Variants in RAB27A observed in about 807,000 individuals in gnomAD.
RAB27A encodes RAB27A, member RAS oncogene family, also known as ras-related protein Rab-27A.
A neutral mutation model predicts 20.8 loss-of-function variants in RAB27A; 17 were observed. That is an observed-to-expected ratio of 0.82 (90% CI 0.56 to 1.23). The LOEUF is 1.23. RAB27A is among the 50% of genes most tolerant of loss of function. The pLI, the probability that RAB27A is intolerant of heterozygous loss-of-function variation, is 0.00. For missense variants in RAB27A, 277 were observed against 266.7 expected, an observed-to-expected ratio of 1.04 and a Z score of -0.27; for synonymous variants, 85 against 92.8, an observed-to-expected ratio of 0.92 and a Z score of 0.48.
intron 1 of RAB27A, among the ~76,000 whole-genome samples, chr15:55,286,828 T>C (rs1898166467): frequency 6.6e-6 from 1 of 151,874 alleles, no homozygotes. Context: ...CAGAAGGCTT[T>C]TGCAGTAATC....
At chr15:55,223,453 G>C (rs1454297148) in intron 6 of RAB27A, among the ~76,000 whole-genome samples, 1 of 151,572 alleles carries the variant, frequency 6.6e-6, no homozygotes, top group Admixed American at 6.6e-5. Flanking sequence ...AGGTTGCAGT[G>C]AGCCGAGATT....
intron 2 of RAB27A, among the ~76,000 whole-genome samples, chr15:55,268,124 G>T (rs913831462): frequency 3.3e-5 from 5 of 151,444 alleles, no homozygotes; most frequent in Non-Finnish European, 7.4e-5. Context: ...ATGCCCTCAT[G>T]AATAAACACT....
chr15:55,299,966 G>A (rs1389733457), intron 2 of RAB27A, among the ~76,000 whole-genome samples: 3 of 151,622 alleles, frequency 2.0e-5, no homozygotes, highest in African/African-American at 4.8e-5. Context: ...GACTACAGGC[G>A]CCCGCCACCA....
At chr15:55,312,472 A>G (rs1268234454) in intron 2 of RAB27A, among the ~76,000 whole-genome samples, 2 of 152,218 alleles carry the variant, frequency 1.3e-5, no homozygotes, top group Admixed American at 6.5e-5. Context: ...AAGAACTGCC[A>G]AACTTTCCCA....
At chr15:55,275,030 C>G (rs1435988219) in intron 1 of RAB27A, among the ~76,000 whole-genome samples, 1 of 151,314 alleles carries the variant, frequency 6.6e-6, no homozygotes, top group Non-Finnish European at 1.5e-5. Flanking sequence ...GTAGGTGGAT[C>G]ACTTGAGGTC....
intron 2 of RAB27A, chr15:55,238,074 C>A (rs1224820505): frequency 1.3e-5 from 2 of 152,124 alleles, no homozygotes; most frequent in Non-Finnish European, 2.9e-5. Flanking sequence ...AACCAAATAC[C>A]ATAAATTGAA....
chr15:55,225,241 T>C, intron 5 of RAB27A, among the ~76,000 whole-genome samples: 1 of 152,210 alleles, frequency 6.6e-6, no homozygotes, highest in East Asian at 1.9e-4. Flanking sequence ...CCCAGTGTCA[T>C]GCTATGAGCA....
chr15:55,258,262 T>C (rs559779287), intron 2 of RAB27A, among the ~76,000 whole-genome samples: 2 of 152,288 alleles, frequency 1.3e-5, no homozygotes, highest in Admixed American at 6.5e-5. Flanking sequence ...ATTCACTACC[T>C]ATACCAGGTC....
At chr15:55,222,770 T>C (rs934222223) in intron 6 of RAB27A, among the ~76,000 whole-genome samples, 2 of 151,180 alleles carry the variant, frequency 1.3e-5, no homozygotes, top group African/African-American at 4.9e-5. Flanking sequence ...CTAGGTAACA[T>C]CCCCTACACC....
At chr15:55,206,978 AAAC>A (rs1894682986) in intron 6 of RAB27A, among the ~76,000 whole-genome samples, 2 of 152,202 alleles carry the variant, frequency 1.3e-5, no homozygotes, top group African/African-American at 2.4e-5. Flanking sequence ...TTAAAGTAAT[AAAC>A]AAGATAATAC....
intron 2 of RAB27A, among the ~76,000 whole-genome samples, chr15:55,265,825 T>C (rs1224111548): frequency 1.3e-5 from 2 of 152,136 alleles, no homozygotes; most frequent in African/African-American, 4.8e-5. Context: ...GGGGAGAATG[T>C]ATCCAGAACA....
Position 55,247,435 on chromosome 15 carries a change from T to C in RAB27A, c.-22-12479A>G, listed in dbSNP as rs576229946. On this transcript the variant is annotated intron_variant, in intron 2 of 6. Coordinates refer to ENST00000336787, the MANE Select transcript of RAB27A (RefSeq NM_183235.3). ...AGGACTTCACATTGCAAAGAGAATT[T>C]CCAAGTTGCAAAACACAGACCTAAA... Among the ~76,000 whole-genome samples the C allele has an allele frequency of 1.3e-4, 19 of 151,752 alleles. 1 individual carries two copies. The highest frequency in any genetic ancestry group is 4.4e-4 in the African/African-American group (18 of 41,378).
chr15:55,284,257 A>G (rs1272481071), intron 1 of RAB27A, among the ~76,000 whole-genome samples: 2 of 152,210 alleles, frequency 1.3e-5, no homozygotes, highest in Non-Finnish European at 2.9e-5. Context: ...ACACCTGTCT[A>G]TCTACCTTGG....
At chr15:55,247,847 T>C (rs962417196) in intron 2 of RAB27A, among the ~76,000 whole-genome samples, 2 of 150,796 alleles carry the variant, frequency 1.3e-5, no homozygotes, top group Non-Finnish European at 2.9e-5. Context: ...ATTTGACACA[T>C]AGATACTTAC....
intron 2 of RAB27A, among the ~76,000 whole-genome samples, chr15:55,296,986 T>G (rs1286419366): frequency 6.6e-6 from 1 of 152,178 alleles, no homozygotes; most frequent in East Asian, 1.9e-4. Context: ...ATAATATAAT[T>G]ATTTTATCTG....
chr15:55,274,607 G>A (rs991508482), intron 1 of RAB27A, among the ~76,000 whole-genome samples: 22 of 150,718 alleles, frequency 1.5e-4, no homozygotes, highest in East Asian at 3.9e-4. Flanking sequence ...GCAAAACCCC[G>A]TTTCTATTAA....
intron 2 of RAB27A, among the ~76,000 whole-genome samples, chr15:55,297,546 C>T (rs1319992355): frequency 1.3e-5 from 2 of 152,224 alleles, no homozygotes; most frequent in Admixed American, 6.5e-5. Flanking sequence ...ATTCTGCAGG[C>T]CATTCAGCTG....
At chr15:55,264,905 T>C (rs193282137) in intron 2 of RAB27A, among the ~76,000 whole-genome samples, 345 of 152,296 alleles carry the variant, frequency 2.3e-3, no homozygotes, top group African/African-American at 7.8e-3. Flanking sequence ...AACAGTCTAA[T>C]AGGTAAGCTG....
At chr15:55,243,197 G>C (rs188835768) in intron 2 of RAB27A, among the ~76,000 whole-genome samples, 1 of 150,186 alleles carries the variant, frequency 6.7e-6, no homozygotes, top group Non-Finnish European at 1.5e-5. Context: ...GCAAATCCAA[G>C]AAAAAAAAAT....
Sources: allele counts gnomAD v4.1 joint callset (sites outside exome capture counted in the v4.1 genomes callset), GRCh38; gene constraint gnomAD v4.1.1; transcripts MANE v1.5; gene names NCBI Gene and HGNC (gene_info 2026-07-23, HGNC 2026-07-21).